Variants in PAM observed in about 807,000 individuals in gnomAD.
PAM encodes the protein peptidyl-glycine alpha-amidating monooxygenase.
A neutral mutation model predicts 122.1 loss-of-function variants in PAM; 72 were observed. The ratio of observed to expected loss-of-function variants is 0.59; its 90% CI spans 0.49 to 0.72. The LOEUF (loss-of-function observed/expected upper bound fraction) is 0.72. Ranked by LOEUF, PAM falls within the 30% of genes least tolerant of loss-of-function variation. PAM has a pLI of 0.00. For missense variants in PAM, 1,106 were observed against 1,183.7 expected (o/e 0.93, Z 0.96); for synonymous variants, 389 against 404.4 (o/e 0.96, Z 0.46).
intron 12 of PAM, among the ~76,000 whole-genome samples, chr5:102,956,449 G>A (rs376837163): frequency 3.3e-5 from 5 of 152,142 alleles, no homozygotes; most frequent in East Asian, 1.9e-4. Flanking sequence ...TCTCAAATAT[G>A]CTATTTAAAA....
intron 1 of PAM, among the ~76,000 whole-genome samples, chr5:102,801,948 T>TG (rs1319805334): frequency 3.3e-5 from 5 of 150,392 alleles, no homozygotes; most frequent in African/African-American, 1.2e-4. Context: ...CCGGCTAATT[T>TG]TTTGTATTTT....
At chr5:102,995,529 T>G (rs1198162725) in intron 16 of PAM, among the ~76,000 whole-genome samples, 1 of 152,028 alleles carries the variant, frequency 6.6e-6, no homozygotes, top group African/African-American at 2.4e-5. Context: ...GAGACTTGCA[T>G]CAAGACGTTT....
At chr5:102,883,310 G>A (rs948205035) in intron 3 of PAM, among the ~76,000 whole-genome samples, 4 of 151,712 alleles carry the variant, frequency 2.6e-5, no homozygotes, top group African/African-American at 7.3e-5. Context: ...TGGCAGTATG[G>A]TCATTTTCAC....
chr5:102,895,138 T>C (rs1334812026), intron 3 of PAM, among the ~76,000 whole-genome samples: 1 of 151,838 alleles, frequency 6.6e-6, no homozygotes, highest in Non-Finnish European at 1.5e-5. Context: ...CTGTGTGTAC[T>C]GGCTTTTGTT....
chr5:102,848,289 T>C (rs1780455408), intron 1 of PAM, among the ~76,000 whole-genome samples: 1 of 152,194 alleles, frequency 6.6e-6, no homozygotes, highest in African/African-American at 2.4e-5. Context: ...CTTGTGAATA[T>C]ACCTTATAAA....
At chr5:102,921,243 C>G (rs779846829) in intron 5 of PAM, among the ~76,000 whole-genome samples, 1 of 151,982 alleles carries the variant, frequency 6.6e-6, no homozygotes, top group African/African-American at 2.4e-5. Context: ...AGCCATTGAT[C>G]AAGAGTTACA....
At chr5:102,801,839 C>T (rs1344399165) in intron 1 of PAM, among the ~76,000 whole-genome samples, 1 of 130,600 alleles carries the variant, frequency 7.7e-6, no homozygotes, top group African/African-American at 3.0e-5. Context: ...AGTGCAGTGG[C>T]GCGATCTCGG....
chr5:102,804,144 T>C (rs1045375026), intron 1 of PAM, among the ~76,000 whole-genome samples: 1 of 152,152 alleles, frequency 6.6e-6, no homozygotes, highest in African/African-American at 2.4e-5. Context: ...GATTGTCTAA[T>C]TAGTTGTTGC....
chr5:102,948,799 T>G (rs768528226), intron 9 of PAM, among the ~76,000 whole-genome samples: 9 of 152,104 alleles, frequency 5.9e-5, no homozygotes, highest in Non-Finnish European at 1.2e-4. Context: ...TAGAAAGATT[T>G]AAAAATTAAA....
chr5:102,846,691 A>G (rs779488569), intron 1 of PAM, among the ~76,000 whole-genome samples: 9 of 152,200 alleles, frequency 5.9e-5, no homozygotes, highest in Non-Finnish European at 1.3e-4. Context: ...GAGGACAGTC[A>G]AGAACTAAGG....
At chr5:102,870,579 C>G (rs1166034813) in intron 3 of PAM, among the ~76,000 whole-genome samples, 1 of 152,168 alleles carries the variant, frequency 6.6e-6, no homozygotes, top group African/African-American at 2.4e-5. Flanking sequence ...TTATCTGTTG[C>G]AATATCAATT....
chr5:102,988,656 G>A (rs60588319), intron 15 of PAM, among the ~76,000 whole-genome samples: 37,672 of 137,682 alleles, frequency 0.27, 5,290 homozygotes, highest in Non-Finnish European at 0.32. Context: ...GGAAAGGGAA[G>A]GGGAGGAAAG....
intron 1 of PAM, among the ~76,000 whole-genome samples, chr5:102,853,754 T>C (rs1222168690): frequency 6.6e-6 from 1 of 152,222 alleles, no homozygotes; most frequent in Non-Finnish European, 1.5e-5. Context: ...TGCGCCCTCA[T>C]TTTACACCAG....
chr5:102,896,266 C>A (rs1019426394), intron 3 of PAM, among the ~76,000 whole-genome samples: 8 of 151,640 alleles, frequency 5.3e-5, no homozygotes, highest in Non-Finnish European at 7.4e-5. Flanking sequence ...TCCATTTGAA[C>A]TACTTGGTGT....
At chr5:102,937,933 A>C (rs1409542715) in intron 7 of PAM, among the ~76,000 whole-genome samples, 2 of 152,136 alleles carry the variant, frequency 1.3e-5, no homozygotes, top group African/African-American at 4.8e-5. Flanking sequence ...ACTTCATCTC[A>C]TTTGTGCCTT....
In PAM at chr5:103,019,773, T is replaced by A; in HGVS notation, c.2432-17T>A. On this transcript the variant is annotated splice_polypyrimidine_tract_variant and intron_variant, in intron 22 of 25. Coordinates refer to ENST00000438793, the MANE Select transcript of PAM (RefSeq NM_001177306.2). ...TGGAGATTCTGACTTTTCTCTCTCC[T>A]TGTTGTGTTGTTACAGAATTGGAAC... The A allele has an allele frequency of 6.4e-7, 1 of 1,568,768 alleles. No homozygotes were observed. Among genetic ancestry groups the A allele is most frequent in the Non-Finnish European group, 8.8e-7 (1 of 1,138,894 alleles).
intron 7 of PAM, among the ~76,000 whole-genome samples, chr5:102,946,492 A>C (rs1003637998): frequency 2.0e-5 from 3 of 150,844 alleles, no homozygotes; most frequent in African/African-American, 7.4e-5. Context: ...ATTTTAGTTC[A>C]GCAACTTTTC....
At chr5:102,982,635 GAA>G (rs1770290106) in intron 15 of PAM, among the ~76,000 whole-genome samples, 1 of 152,202 alleles carries the variant, frequency 6.6e-6, no homozygotes, top group African/African-American at 2.4e-5. Flanking sequence ...TATAGCCAAA[GAA>G]ATCATACAGA....
Position 102,780,588 on chromosome 5 carries a change from G to A in PAM, c.-374+25240G>A, listed in dbSNP as rs541188943. Among the ~76,000 whole-genome samples, 208 of 151,962 alleles carry A rather than the reference G, an allele frequency of 1.4e-3. 1 individual carries two copies. The highest frequency in any genetic ancestry group is 4.7e-3 in the African/African-American group (194 of 41,428). The stretch of plus-strand genomic sequence containing the variant: ...TAAAAAAAGGTCGTGCACATTGCAT[G>A]GTGTACCTCCCGACTGAACTCCTGC... On this transcript the variant is annotated intron_variant, in intron 1 of 25. Transcript: ENST00000438793.
Sources: allele counts gnomAD v4.1 joint callset (sites outside exome capture counted in the v4.1 genomes callset), GRCh38; gene constraint gnomAD v4.1.1; transcripts MANE v1.5; gene names NCBI Gene and HGNC (gene_info 2026-07-23, HGNC 2026-07-21).